CNTNAP5: variants seen among roughly 807,000 people sequenced by gnomAD.
The protein encoded by CNTNAP5 is contactin-associated protein-like 5.
CNTNAP5 carries 72 observed loss-of-function variants against 150.2 expected under a neutral mutation model. The observed-to-expected ratio is 0.48, with a 90% CI of 0.40 to 0.58. The LOEUF is 0.58. Among genes scored for constraint, CNTNAP5 ranks in the 20% least tolerant of loss-of-function variants. The pLI, the probability that CNTNAP5 is intolerant of heterozygous loss-of-function variation, is 0.00. For missense variants in CNTNAP5, 1,636 were observed against 1,626.2 expected, an observed-to-expected ratio of 1.01 and a Z score of -0.10; for synonymous variants, 672 against 619.8, an observed-to-expected ratio of 1.08 and a Z score of -1.25.
intron 21 of CNTNAP5, among the ~76,000 whole-genome samples, chr2:124,883,360 C>G (rs949489493): frequency 2.6e-5 from 4 of 151,908 alleles, no homozygotes; most frequent in African/African-American, 9.7e-5. Context: ...CTGTGCCCAG[C>G]CTGTATGTGC....
intron 17 of CNTNAP5, among the ~76,000 whole-genome samples, chr2:124,786,500 G>A (rs116446448): frequency 0.056 from 5,407 of 96,464 alleles, 446 homozygotes; most frequent in African/African-American, 0.18. Flanking sequence ...AGGAAGGGAG[G>A]GAAAGAAAAA....
intron 1 of CNTNAP5, among the ~76,000 whole-genome samples, chr2:124,215,457 T>G (rs909243851): frequency 1.9e-4 from 29 of 152,162 alleles, no homozygotes; most frequent in African/African-American, 6.5e-4. Context: ...GCCTTTACCT[T>G]GTAATTAATA....
chr2:124,235,445 G>A (rs1456973855), intron 2 of CNTNAP5, among the ~76,000 whole-genome samples: 1 of 152,038 alleles, frequency 6.6e-6, no homozygotes, highest in African/African-American at 2.4e-5. Flanking sequence ...TGCTTTAGAT[G>A]CCACCCTGCT....
chr2:124,374,101 G>C (rs562761703), intron 3 of CNTNAP5, among the ~76,000 whole-genome samples: 1 of 152,128 alleles, frequency 6.6e-6, no homozygotes, highest in African/African-American at 2.4e-5. Flanking sequence ...TTGTAATAAA[G>C]AGACTGGTAC....
intron 13 of CNTNAP5, among the ~76,000 whole-genome samples, chr2:124,694,271 T>G (rs1679359027): frequency 6.6e-6 from 1 of 152,176 alleles, no homozygotes; most frequent in African/African-American, 2.4e-5. Context: ...TTTATTTAGT[T>G]CTTTGATGAG....
chr2:124,298,896 A>G (rs1414034626), intron 3 of CNTNAP5, among the ~76,000 whole-genome samples: 2 of 152,156 alleles, frequency 1.3e-5, no homozygotes, highest in Non-Finnish European at 2.9e-5. Context: ...CAATTGTTCT[A>G]GAGGCCTGAC....
intron 3 of CNTNAP5, among the ~76,000 whole-genome samples, chr2:124,402,459 T>C (rs1691451443): frequency 6.6e-6 from 1 of 152,182 alleles, no homozygotes; most frequent in Non-Finnish European, 1.5e-5. Flanking sequence ...CACGTGATTG[T>C]CACTAGCACA....
intron 1 of CNTNAP5, among the ~76,000 whole-genome samples, chr2:124,065,349 C>G (rs1003022247): frequency 6.6e-6 from 1 of 152,138 alleles, no homozygotes; most frequent in Non-Finnish European, 1.5e-5. Flanking sequence ...ATACCTGATT[C>G]AGACCTTGAG....
chr2:124,383,452 G>T (rs182553507), intron 3 of CNTNAP5, among the ~76,000 whole-genome samples: 31 of 152,196 alleles, frequency 2.0e-4, no homozygotes, highest in African/African-American at 7.0e-4. Flanking sequence ...CCTGTTAACC[G>T]CAGTAATAAT....
intron 7 of CNTNAP5, among the ~76,000 whole-genome samples, chr2:124,486,271 T>A (rs1319898224): frequency 1.3e-5 from 2 of 152,100 alleles, no homozygotes; most frequent in African/African-American, 2.4e-5. Context: ...AAAGGTATAA[T>A]CATAATAAAA....
rs141348170 is a variant in CNTNAP5 at position 124,091,469 on chromosome 2, A to T, written c.82+65737A>T. Among the ~76,000 whole-genome samples, 783 of 152,252 alleles carry T rather than the reference A, an allele frequency of 5.1e-3. 5 individuals are homozygous for T. The highest frequency in any genetic ancestry group is 0.018 in the African/African-American group (729 of 41,542). ...CATGGCAAAGAAGCTTGCAGTCGTG[A>T]TCTCATCACTTATTAGTTTTTATCA... On this transcript the variant is annotated intron_variant, in intron 1 of 23. Coordinates refer to ENST00000682447, the MANE Select transcript of CNTNAP5 (RefSeq NM_001367498.1).
At chr2:124,535,899 G>A (rs1006764864) in intron 10 of CNTNAP5, among the ~76,000 whole-genome samples, 1 of 152,188 alleles carries the variant, frequency 6.6e-6, no homozygotes, top group Non-Finnish European at 1.5e-5. Flanking sequence ...AAGTTGGCAA[G>A]CATTATGTTG....
chr2:124,068,825 C>A (rs751721591), intron 1 of CNTNAP5, among the ~76,000 whole-genome samples: 5 of 151,846 alleles, frequency 3.3e-5, no homozygotes, highest in Non-Finnish European at 7.4e-5. Context: ...CAGGCCCTAG[C>A]TCCCAGACAA....
intron 12 of CNTNAP5, among the ~76,000 whole-genome samples, chr2:124,613,700 C>A (rs747209564): frequency 4.6e-5 from 7 of 152,164 alleles, no homozygotes; most frequent in Non-Finnish European, 1.0e-4. Context: ...TAGTCCCTAA[C>A]CTGTCCTGGG....
At chr2:124,589,316 T>C (rs1394481677) in intron 11 of CNTNAP5, among the ~76,000 whole-genome samples, 2 of 152,224 alleles carry the variant, frequency 1.3e-5, no homozygotes, top group African/African-American at 4.8e-5. Context: ...CTGGCTTCTT[T>C]CATTTAGCAC....
At position 124,536,056 on chromosome 2, in the gene CNTNAP5, C is replaced by T. The variant is rs139986094; in HGVS notation, c.1649+8600C>T. On this transcript the variant is annotated intron_variant, in intron 10 of 23. Coordinates refer to ENST00000682447, the MANE Select transcript of CNTNAP5 (RefSeq NM_001367498.1). ...TAAAATTGAAAGCCTTTACATTGGG[C>T]GCCAGAAAAGCCATTGGAAGGGCAG... Among the ~76,000 whole-genome samples the T allele has an allele frequency of 3.6e-3, 543 of 152,164 alleles. 4 individuals carry two copies. Among genetic ancestry groups the T allele is most frequent in the East Asian group, 8.9e-3 (46 of 5,168 alleles).
rs747471181 is a variant in CNTNAP5 at position 124,524,290 on chromosome 2, G to GTT, written c.1328-11_1328-10dup. ...CCATCATCTCTATGCTTACTCTCTT[G>GTT]TTTCTCTTGCAGGCAGCAACTTGAA... On this transcript the variant is annotated splice_polypyrimidine_tract_variant and intron_variant, in intron 8 of 23. Coordinates refer to ENST00000682447, the MANE Select transcript of CNTNAP5 (RefSeq NM_001367498.1). 14 of 1,613,432 alleles carry GTT rather than the reference G, an allele frequency of 8.7e-6. No homozygotes were observed. Among genetic ancestry groups the GTT allele is most frequent in the Non-Finnish European group, 1.1e-5 (13 of 1,179,696 alleles).
chr2:124,843,760 A>T (rs935793000), intron 19 of CNTNAP5, among the ~76,000 whole-genome samples: 2 of 152,022 alleles, frequency 1.3e-5, no homozygotes, highest in Admixed American at 6.6e-5. Flanking sequence ...ATAATTAGTT[A>T]TGTTGAGTAG....
intron 7 of CNTNAP5, among the ~76,000 whole-genome samples, chr2:124,484,496 CCTT>C (rs1693826285): frequency 6.6e-6 from 1 of 152,154 alleles, no homozygotes; most frequent in African/African-American, 2.4e-5. Context: ...GCTTCAGTGT[CCTT>C]CATCTACATG....
Sources: gnomAD v4.1 joint callset for allele counts (sites outside exome capture counted in the v4.1 genomes callset) on GRCh38, gnomAD v4.1.1 for gene constraint, MANE v1.5 for transcripts, NCBI Gene and HGNC (gene_info 2026-07-23, HGNC 2026-07-21) for gene names.